Variants in NEK7 observed in about 807,000 individuals in gnomAD.
NEK7 encodes the protein NIMA related kinase 7.
A neutral mutation model predicts 44.6 loss-of-function variants in NEK7; 18 were observed. The ratio of observed to expected loss-of-function variants is 0.40; its 90% CI spans 0.28 to 0.60. NEK7 has a LOEUF of 0.60. NEK7 is among the 20% of genes least tolerant of loss of function. The probability of loss-of-function intolerance (pLI) is 0.38; values close to 1 mark genes in which losing one functional copy is unlikely to be tolerated. For missense variants in NEK7, 256 were observed against 366.5 expected (o/e 0.70, Z 2.46); for synonymous variants, 130 against 121.1 (o/e 1.07, Z -0.48).
At chr1:198,313,078 C>G (rs1036225163) in intron 9 of NEK7, among the ~76,000 whole-genome samples, 1 of 151,942 alleles carries the variant, frequency 6.6e-6, no homozygotes, top group Non-Finnish European at 1.5e-5. Context: ...GAGTCTAAGT[C>G]TCTTTGTAGG....
chr1:198,228,202 G>C (rs1251887314), intron 1 of NEK7, among the ~76,000 whole-genome samples: 1 of 151,998 alleles, frequency 6.6e-6, no homozygotes, highest in East Asian at 1.9e-4. Context: ...ATTTCTGAGG[G>C]CTCTGTTCTG....
At chr1:198,223,781 A>C (rs1182071509) in intron 1 of NEK7, among the ~76,000 whole-genome samples, 3 of 152,168 alleles carry the variant, frequency 2.0e-5, no homozygotes, top group Non-Finnish European at 4.4e-5. Flanking sequence ...CTTGGTATTT[A>C]AAGACTTTTT....
intron 1 of NEK7, among the ~76,000 whole-genome samples, chr1:198,178,972 C>T (rs908192420): frequency 6.7e-6 from 1 of 149,440 alleles, no homozygotes; most frequent in African/African-American, 2.5e-5. Context: ...AATAGAAAAG[C>T]ATTTGATACC....
intron 1 of NEK7, among the ~76,000 whole-genome samples, chr1:198,219,346 A>G (rs891095338): frequency 4.0e-5 from 6 of 151,142 alleles, no homozygotes; most frequent in African/African-American, 1.2e-4. Flanking sequence ...GTATATATAT[A>G]TGTGTGTGTG....
intron 2 of NEK7, among the ~76,000 whole-genome samples, chr1:198,249,653 TTTCATGTG>T (rs1187813323): frequency 6.6e-6 from 1 of 151,688 alleles, no homozygotes; most frequent in Non-Finnish European, 1.5e-5. Context: ...GTGAGCATTT[TTTCATGTG>T]TTTTTTGGCT....
At chr1:198,226,544 C>CAA (rs529152066) in intron 1 of NEK7, among the ~76,000 whole-genome samples, 2 of 128,240 alleles carry the variant, frequency 1.6e-5, no homozygotes, top group African/African-American at 2.9e-5. Flanking sequence ...TATTGCGTCT[C>CAA]AAAAAAAAAA....
chr1:198,210,154 G>C (rs922169336), intron 1 of NEK7, among the ~76,000 whole-genome samples: 5 of 152,070 alleles, frequency 3.3e-5, no homozygotes, highest in Non-Finnish European at 5.9e-5. Flanking sequence ...GAGTGCAGTG[G>C]TGTTATCATA....
intron 1 of NEK7, among the ~76,000 whole-genome samples, chr1:198,162,489 C>T (rs1050446134): frequency 1.3e-5 from 2 of 152,140 alleles, no homozygotes; most frequent in Non-Finnish European, 2.9e-5. Flanking sequence ...CTGTAGTTGT[C>T]GCAACTCATA....
chr1:198,176,354 G>A (rs557936990), intron 1 of NEK7, among the ~76,000 whole-genome samples: 3 of 152,146 alleles, frequency 2.0e-5, no homozygotes, highest in African/African-American at 7.2e-5. Context: ...GGTTGACCAG[G>A]CTGACTAGCT....
chr1:198,223,748 C>T (rs571863816), intron 1 of NEK7, among the ~76,000 whole-genome samples: 16 of 152,204 alleles, frequency 1.1e-4, no homozygotes, highest in Non-Finnish European at 1.6e-4. Flanking sequence ...AACCTGTATT[C>T]ATCAGTATGA....
At chr1:198,180,890 A>C (rs976085222) in intron 1 of NEK7, among the ~76,000 whole-genome samples, 1 of 152,136 alleles carries the variant, frequency 6.6e-6, no homozygotes, top group African/African-American at 2.4e-5. Context: ...AAAACTGTCT[A>C]TAAAATGCTT....
At chr1:198,159,144 T>C (rs1486540695) in intron 1 of NEK7, among the ~76,000 whole-genome samples, 1 of 152,212 alleles carries the variant, frequency 6.6e-6, no homozygotes, top group Non-Finnish European at 1.5e-5. Flanking sequence ...TCCGGAGTAC[T>C]GACGGCCTTC....
chr1:198,278,141 A>G (rs1223871138), intron 6 of NEK7, 72 bp downstream of exon 6: 4 of 809,294 alleles, frequency 4.9e-6, no homozygotes, highest in Middle Eastern at 3.1e-4. Flanking sequence ...AATGTCTTCA[A>G]GTCAGTACAT....
intron 1 of NEK7, among the ~76,000 whole-genome samples, chr1:198,166,822 C>A (rs1473963263): frequency 3.3e-5 from 5 of 152,128 alleles, no homozygotes; most frequent in African/African-American, 9.7e-5. Context: ...ATATGTGACA[C>A]AGAGATATGG....
chr1:198,176,111 A>G (rs1395115484), intron 1 of NEK7, among the ~76,000 whole-genome samples: 1 of 152,112 alleles, frequency 6.6e-6, no homozygotes. Flanking sequence ...TAGTCTTTTA[A>G]TCTCTTGTTT....
intron 2 of NEK7, among the ~76,000 whole-genome samples, chr1:198,246,617 A>T (rs1357931988): frequency 1.3e-5 from 2 of 152,206 alleles, no homozygotes; most frequent in Non-Finnish European, 2.9e-5. Context: ...CTGACATGCA[A>T]ATGTAGGTCA....
At chr1:198,202,627 G>T (rs1329262932) in intron 1 of NEK7, among the ~76,000 whole-genome samples, 4 of 152,186 alleles carry the variant, frequency 2.6e-5, no homozygotes, top group Non-Finnish European at 5.9e-5. Flanking sequence ...GGCTAGGGAG[G>T]CCTCACAATT....
At chr1:198,291,521 T>G (rs926567340) in intron 7 of NEK7, among the ~76,000 whole-genome samples, 3 of 152,222 alleles carry the variant, frequency 2.0e-5, no homozygotes, top group African/African-American at 7.2e-5. Flanking sequence ...CGTATTTACC[T>G]GTTTGTCTTC....
intron 9 of NEK7, among the ~76,000 whole-genome samples, chr1:198,311,960 G>A (rs1655200940): frequency 6.6e-6 from 1 of 152,314 alleles, no homozygotes; most frequent in Admixed American, 6.5e-5. Context: ...CATAAAATGA[G>A]TTAGGGAGGA....
Sources: allele counts gnomAD v4.1 joint callset (sites outside exome capture counted in the v4.1 genomes callset), GRCh38; gene constraint gnomAD v4.1.1; transcripts MANE v1.5; gene names NCBI Gene and HGNC (gene_info 2026-07-23, HGNC 2026-07-21).